Variants in NKAIN2 observed in about 807,000 individuals in gnomAD.
The protein encoded by NKAIN2 is sodium/potassium transporting ATPase interacting 2, also known as sodium/potassium-transporting ATPase subunit beta-1-interacting protein 2.
NKAIN2 carries 14 observed loss-of-function variants against 32.6 expected under a neutral mutation model. That is an observed-to-expected ratio of 0.43 (90% confidence interval 0.28 to 0.67). The LOEUF is 0.67. Ranked by LOEUF, NKAIN2 falls within the 30% of genes least tolerant of loss-of-function variation. The pLI is 0.17. For synonymous variants in NKAIN2, 80 were observed against 87.2 expected, an observed-to-expected ratio of 0.92 and a Z score of 0.46; for missense variants, 198 against 258.3, an observed-to-expected ratio of 0.77 and a Z score of 1.60.
chr6:124,669,652 T>A (rs1772996856), intron 4 of NKAIN2, among the ~76,000 whole-genome samples: 1 of 152,070 alleles, frequency 6.6e-6, no homozygotes, highest in Non-Finnish European at 1.5e-5. Context: ...AGTCAGTAAA[T>A]ACATATTACT....
At chr6:124,167,180 C>G (rs1413740576) in intron 1 of NKAIN2, among the ~76,000 whole-genome samples, 5 of 148,744 alleles carry the variant, frequency 3.4e-5, no homozygotes, top group South Asian at 4.3e-4. Context: ...TGTTTGTATC[C>G]TCTTTTATTT....
At chr6:124,223,779 G>A (rs948724027) in intron 1 of NKAIN2, among the ~76,000 whole-genome samples, 3 of 152,104 alleles carry the variant, frequency 2.0e-5, no homozygotes, top group African/African-American at 7.2e-5. Context: ...GAGTTAGTTA[G>A]AACATTTGCT....
At chr6:123,993,019 C>A (rs1779477579) in intron 1 of NKAIN2, among the ~76,000 whole-genome samples, 1 of 142,744 alleles carries the variant, frequency 7.0e-6, no homozygotes, top group Non-Finnish European at 1.5e-5. Flanking sequence ...CCTTTTTATT[C>A]CTATCTGGTA....
chr6:123,809,667 T>C (rs560656), intron 1 of NKAIN2, among the ~76,000 whole-genome samples: 117,143 of 152,092 alleles, frequency 0.77, 45,911 homozygotes, highest in Non-Finnish European at 0.84. Context: ...ATAAAATGCT[T>C]AATATATAAA....
intron 1 of NKAIN2, among the ~76,000 whole-genome samples, chr6:124,271,394 C>T (rs187109843): frequency 2.2e-3 from 338 of 152,088 alleles, no homozygotes; most frequent in African/African-American, 7.7e-3. Context: ...TTTTTTGTAT[C>T]TTTAGTAGAG....
At chr6:124,605,252 GAGA>G (rs1782455426) in intron 3 of NKAIN2, among the ~76,000 whole-genome samples, 1 of 152,092 alleles carries the variant, frequency 6.6e-6, no homozygotes, top group South Asian at 2.1e-4. Context: ...CTGGGTCTGT[GAGA>G]AGGTTGGTGG....
intron 1 of NKAIN2, among the ~76,000 whole-genome samples, chr6:124,139,380 G>A (rs1260601187): frequency 2.0e-5 from 3 of 151,756 alleles, no homozygotes; most frequent in Admixed American, 6.6e-5. Flanking sequence ...GAGCCACCGC[G>A]CCCGGCCTAA....
intron 1 of NKAIN2, among the ~76,000 whole-genome samples, chr6:124,261,884 T>G (rs1794270500): frequency 6.6e-6 from 1 of 150,886 alleles, no homozygotes; most frequent in Non-Finnish European, 1.5e-5. Flanking sequence ...AAAAAAAAAT[T>G]TTGAAATGGG....
chr6:124,697,534 A>T (rs1774557414), intron 4 of NKAIN2, among the ~76,000 whole-genome samples: 1 of 152,196 alleles, frequency 6.6e-6, no homozygotes, highest in Non-Finnish European at 1.5e-5. Flanking sequence ...TAAATGATAA[A>T]CATTATGACA....
intron 3 of NKAIN2, among the ~76,000 whole-genome samples, chr6:124,454,115 G>GT (rs1377457339): frequency 2.2e-5 from 3 of 138,386 alleles, no homozygotes; most frequent in Non-Finnish European, 4.7e-5. Context: ...TTGGGGGGGG[G>GT]GGTTGCTGGT....
At chr6:124,502,842 G>A (rs1401965469) in intron 3 of NKAIN2, among the ~76,000 whole-genome samples, 1 of 152,118 alleles carries the variant, frequency 6.6e-6, no homozygotes, top group Non-Finnish European at 1.5e-5. Flanking sequence ...CTATTCATGT[G>A]TGTCATCACT....
intron 3 of NKAIN2, among the ~76,000 whole-genome samples, chr6:124,392,032 T>G (rs1773165272): frequency 6.6e-6 from 1 of 152,208 alleles, no homozygotes; most frequent in Non-Finnish European, 1.5e-5. Flanking sequence ...TATCTATGCT[T>G]CTTTATACAG....
At chr6:124,381,211 T>C (rs1363234408) in intron 3 of NKAIN2, among the ~76,000 whole-genome samples, 1 of 152,200 alleles carries the variant, frequency 6.6e-6, no homozygotes, top group African/African-American at 2.4e-5. Flanking sequence ...CACTAAAATT[T>C]GTTTGAAAAT....
At chr6:124,743,231 T>C (rs1028215449) in intron 4 of NKAIN2, among the ~76,000 whole-genome samples, 7 of 151,850 alleles carry the variant, frequency 4.6e-5, no homozygotes, top group African/African-American at 1.7e-4. Context: ...TAGGAACACA[T>C]AGTTCCTATG....
intron 3 of NKAIN2, among the ~76,000 whole-genome samples, chr6:124,535,190 A>G (rs1779671024): frequency 6.6e-6 from 1 of 152,222 alleles, no homozygotes; most frequent in Admixed American, 6.5e-5. Flanking sequence ...AGGGCCAACT[A>G]CACTTATTGT....
At chr6:124,646,813 T>A (rs1784186464) in intron 3 of NKAIN2, among the ~76,000 whole-genome samples, 1 of 151,936 alleles carries the variant, frequency 6.6e-6, no homozygotes, top group South Asian at 2.1e-4. Context: ...TAGCCAGGTG[T>A]GGTGGTGCAT....
At chr6:124,561,072 G>A (rs185795738) in intron 3 of NKAIN2, among the ~76,000 whole-genome samples, 1 of 126,420 alleles carries the variant, frequency 7.9e-6, no homozygotes, top group Non-Finnish European at 1.8e-5. Flanking sequence ...CATCAGCCCT[G>A]ATGTGAGTCA....
chr6:124,773,785 C>G (rs908959512), intron 4 of NKAIN2, among the ~76,000 whole-genome samples: 1 of 151,960 alleles, frequency 6.6e-6, no homozygotes, highest in Non-Finnish European at 1.5e-5. Context: ...AGTGTGAGTG[C>G]CAAGAAAGGT....
At chr6:124,637,399 GAGAA>G in intron 3 of NKAIN2, among the ~76,000 whole-genome samples, 1 of 151,998 alleles carries the variant, frequency 6.6e-6, no homozygotes, top group African/African-American at 2.4e-5. Flanking sequence ...AATTAGATAA[GAGAA>G]AGAAAAAGAG....
Sources: allele counts gnomAD v4.1 joint callset (sites outside exome capture counted in the v4.1 genomes callset), GRCh38; gene constraint gnomAD v4.1.1; transcripts MANE v1.5; gene names NCBI Gene and HGNC (gene_info 2026-07-23, HGNC 2026-07-21).